The following SLC25A26 variants were observed in gnomAD, a reference collection of about 807,000 sequenced individuals.
The protein encoded by SLC25A26 is mitochondrial S-adenosylmethionine carrier protein.
In SLC25A26, 36 loss-of-function variants were observed where a neutral mutation model predicts 37.8. The ratio of observed to expected loss-of-function variants is 0.95; its 90% CI spans 0.73 to 1.26. The LOEUF (loss-of-function observed/expected upper bound fraction) is 1.26, where lower values mean the gene tolerates loss of function less well. Ranked by LOEUF, SLC25A26 falls within the 50% of genes most tolerant of loss-of-function variation. SLC25A26 has a pLI of 0.00. For synonymous variants in SLC25A26, 129 were observed against 122.5 expected (o/e 1.05, Z -0.35); for missense variants, 390 against 331.1 (o/e 1.18, Z -1.38).
Position 66,168,939 on chromosome 3 carries a change from T to G in SLC25A26, c.-354+34955T>G, listed in dbSNP as rs374841527. On this transcript the variant is annotated intron_variant, in intron 1 of 10. Coordinates refer to the SLC25A26 transcript ENST00000676754. ...GAGTTCAAGACCCGATTGAGCAACATAGCAAGACCTGGTCTATACAAAACA... is the reference window on the plus strand; with the variant it reads ...GAGTTCAAGACCCGATTGAGCAACAGAGCAAGACCTGGTCTATACAAAACA... 5.3e-5 allele frequency among the ~76,000 whole-genome samples: 8 copies of G among 152,262 alleles called. No homozygotes were observed. The South Asian group carries it at 8.3e-4, about 16-fold the overall frequency.
chr3:66,369,298 C>G lies in SLC25A26; in HGVS notation c.569-180C>G, dbSNP rs9842171. On this transcript the variant is annotated intron_variant, in intron 7 of 9. Coordinates refer to ENST00000354883, the MANE Select transcript of SLC25A26 (RefSeq NM_001379210.1). ...GAGCATTTTCTTCTCTCATGCAGTTCTGTATCGCTGCAAAAGAAATGAAGC... is the reference window on the plus strand; with the variant it reads ...GAGCATTTTCTTCTCTCATGCAGTTGTGTATCGCTGCAAAAGAAATGAAGC... Among the ~76,000 whole-genome samples the G allele has an allele frequency of 0.049, 7,408 of 152,256 alleles. 618 individuals carry two copies. The highest frequency in any genetic ancestry group is 0.17 in the African/African-American group (6,932 of 41,510).
At chr3:66,207,357 G>A (rs945364925) in intron 1 of SLC25A26, among the ~76,000 whole-genome samples, 4 of 152,040 alleles carry the variant, frequency 2.6e-5, no homozygotes, top group Admixed American at 2.0e-4. Flanking sequence ...GGGGTTTCAC[G>A]GCAAACAAGC....
chr3:66,248,887 C>G (rs1318898592), intron 3 of SLC25A26, among the ~76,000 whole-genome samples: 1 of 152,190 alleles, frequency 6.6e-6, no homozygotes, highest in Non-Finnish European at 1.5e-5. Flanking sequence ...GGAGATGACA[C>G]TAGGGTTCCT....
intron 1 of SLC25A26, among the ~76,000 whole-genome samples, chr3:66,168,184 T>TATATATATACAC (rs1190884385): frequency 2.5e-5 from 1 of 39,718 alleles, no homozygotes. Flanking sequence ...TATGTGTGTG[T>TATATATATACAC]GTATATATAT....
intron 6 of SLC25A26, among the ~76,000 whole-genome samples, chr3:66,362,494 C>G (rs533637887): frequency 6.6e-6 from 1 of 152,238 alleles, no homozygotes; most frequent in Admixed American, 6.5e-5. Flanking sequence ...AATGACAGAT[C>G]AGATTGCTTG....
intron 9 of SLC25A26, among the ~76,000 whole-genome samples, chr3:66,373,086 C>T (rs1169608048): frequency 6.6e-6 from 1 of 152,200 alleles, no homozygotes; most frequent in African/African-American, 2.4e-5. Context: ...CATTCAGCCC[C>T]GTAGCCAAAG....
At chr3:66,269,012 G>C (rs372262730) in intron 5 of SLC25A26, among the ~76,000 whole-genome samples, 7 of 152,340 alleles carry the variant, frequency 4.6e-5, no homozygotes, top group African/African-American at 1.7e-4. Context: ...CTTTATAGCA[G>C]TGTGAGAATG....
chr3:66,259,779 C>G (rs2073449803), intron 3 of SLC25A26, among the ~76,000 whole-genome samples: 1 of 152,144 alleles, frequency 6.6e-6, no homozygotes, highest in Non-Finnish European at 1.5e-5. Flanking sequence ...AGAGTGATCT[C>G]CCTAAGCACA....
At chr3:66,168,187 A>G (rs1045468801) in intron 1 of SLC25A26, among the ~76,000 whole-genome samples, 15,773 of 47,878 alleles carry the variant, frequency 0.33, 1,136 homozygotes, top group African/African-American at 0.46. Context: ...GTGTGTGTGT[A>G]TATATATATA....
intron 5 of SLC25A26, among the ~76,000 whole-genome samples, chr3:66,300,413 A>G (rs2075043479): frequency 6.6e-6 from 1 of 152,118 alleles, no homozygotes; most frequent in African/African-American, 2.4e-5. Context: ...ATTCTTTTCC[A>G]AAGGAAATAA....
intron 5 of SLC25A26, among the ~76,000 whole-genome samples, chr3:66,269,535 C>T (rs1448407053): frequency 6.6e-6 from 1 of 152,150 alleles, no homozygotes; most frequent in Non-Finnish European, 1.5e-5. Flanking sequence ...GATCAAGATT[C>T]CTAATGGAAG....
upstream of SLC25A26, among the ~76,000 whole-genome samples, chr3:66,219,432 A>G (rs923333532): frequency 7.9e-5 from 12 of 152,236 alleles, no homozygotes; most frequent in African/African-American, 2.7e-4. Flanking sequence ...AGTTAATAAA[A>G]ATGGAGATTA....
chr3:66,171,631 A>G (rs1173508972), intron 1 of SLC25A26, among the ~76,000 whole-genome samples: 7 of 152,140 alleles, frequency 4.6e-5, no homozygotes, highest in Non-Finnish European at 7.4e-5. Flanking sequence ...CTGGGACTAC[A>G]GGCACACATC....
chr3:66,312,627 G>A (rs180845565), intron 5 of SLC25A26, among the ~76,000 whole-genome samples: 1 of 152,302 alleles, frequency 6.6e-6, no homozygotes, highest in East Asian at 1.9e-4. Context: ...GACCCTGGTG[G>A]CGTAGGCACT....
intron 5 of SLC25A26, among the ~76,000 whole-genome samples, chr3:66,306,073 C>G (rs1307052241): frequency 6.6e-6 from 1 of 152,120 alleles, no homozygotes; most frequent in Non-Finnish European, 1.5e-5. Flanking sequence ...TAACCTCTGC[C>G]TGCCAATTTC....
At chr3:66,227,686 T>C (rs528285591) in intron 1 of SLC25A26, among the ~76,000 whole-genome samples, 3 of 152,286 alleles carry the variant, frequency 2.0e-5, no homozygotes, top group Non-Finnish European at 2.9e-5. Context: ...TTCCTGTTTT[T>C]AGTGAGGTGA....
intron 1 of SLC25A26, among the ~76,000 whole-genome samples, chr3:66,172,991 T>C (rs2070523084): frequency 6.6e-6 from 1 of 152,174 alleles, no homozygotes; most frequent in Admixed American, 6.5e-5. Context: ...ACATATGAAT[T>C]TGGAGGCGGA....
At chr3:66,369,078 T>G (rs332381) in intron 7 of SLC25A26, among the ~76,000 whole-genome samples, 1 of 145,880 alleles carries the variant, frequency 6.9e-6, no homozygotes, top group East Asian at 2.0e-4. Context: ...GACAGTGGCC[T>G]ATAGAAAGTC....
chr3:66,340,172 G>C (rs1009559396), intron 5 of SLC25A26, among the ~76,000 whole-genome samples: 4 of 152,042 alleles, frequency 2.6e-5, no homozygotes, highest in Non-Finnish European at 5.9e-5. Context: ...TATATGTGAA[G>C]TCTTATTTCT....
Sources: allele counts gnomAD v4.1 joint callset (sites outside exome capture counted in the v4.1 genomes callset), GRCh38; gene constraint gnomAD v4.1.1; transcripts MANE v1.5; gene names NCBI Gene and HGNC (gene_info 2026-07-23, HGNC 2026-07-21).